Variants in MBP observed in about 807,000 individuals in gnomAD.
The protein encoded by MBP is myelin basic protein, also known as Golli-MBP.
Under a neutral mutation model 35.8 loss-of-function variants are expected in MBP, and 16 were observed. The ratio of observed to expected loss-of-function variants is 0.45; its 90% CI spans 0.30 to 0.68. MBP has a LOEUF of 0.68. MBP is among the 30% of genes least tolerant of loss of function. The pLI is 0.08. For synonymous variants in MBP, 143 were observed against 159.6 expected (o/e 0.90, Z 0.78); for missense variants, 380 against 404.7 (o/e 0.94, Z 0.52).
At chr18:77,045,267 G>A (rs561964208) in intron 3 of MBP, among the ~76,000 whole-genome samples, 1 of 151,202 alleles carries the variant, frequency 6.6e-6, no homozygotes, top group Admixed American at 6.6e-5. Context: ...ACAACTGGGT[G>A]TTAAACCAAC....
intron 4 of MBP, among the ~76,000 whole-genome samples, chr18:76,995,278 A>G (rs1241870722): frequency 6.6e-6 from 1 of 152,262 alleles, no homozygotes; most frequent in African/African-American, 2.4e-5. Context: ...ATCGATCTAC[A>G]GGTTTAATGA....
At chr18:77,038,172 G>T (rs1028663200) in intron 3 of MBP, among the ~76,000 whole-genome samples, 7 of 152,246 alleles carry the variant, frequency 4.6e-5, no homozygotes, top group African/African-American at 1.7e-4. Context: ...GAGCCGCATA[G>T]AAATTAAGAA....
At chr18:77,047,644 C>T (rs1973312914) in intron 3 of MBP, among the ~76,000 whole-genome samples, 1 of 152,206 alleles carries the variant, frequency 6.6e-6, no homozygotes, top group African/African-American at 2.4e-5. Flanking sequence ...TGTAAATTAT[C>T]TCACTAAGCT....
intron 3 of MBP, among the ~76,000 whole-genome samples, chr18:77,042,522 G>C (rs115161568): frequency 6.6e-6 from 1 of 152,126 alleles, no homozygotes; most frequent in African/African-American, 2.4e-5. Flanking sequence ...CCATTAATAC[G>C]TATTCTGTAT....
intron 2 of MBP, among the ~76,000 whole-genome samples, chr18:77,075,449 G>A (rs1237628343): frequency 2.6e-5 from 4 of 152,192 alleles, no homozygotes; most frequent in East Asian, 3.8e-4. Context: ...ACGTCCAGAC[G>A]GCAGCGAGAA....
At chr18:76,986,994 G>C (rs1969595901) in intron 7 of MBP, 1 of 985,328 alleles carries the variant, frequency 1.0e-6, no homozygotes, top group African/African-American at 1.7e-5. Flanking sequence ...CTGGGAAACA[G>C]ACAAGCAGAC....
rs896179166 is a variant in MBP, at chr18:77,102,918, G to T, written c.51+2293C>A. 1.3e-5 allele frequency among the ~76,000 whole-genome samples: 2 copies of T among 152,138 alleles called. No individual in the cohort carries two copies. The highest frequency in any genetic ancestry group is 2.4e-5 in the African/African-American group (1 of 41,420). ...TAAATTAGTAACTTAATACATTTAT[G>T]GTTGTTATTGCTAATTATAATGCTG... is the stretch of plus-strand genomic sequence containing the variant. On this transcript the variant is annotated intron_variant, in intron 2 of 8. Transcript: ENST00000355994. The surrounding 1 kb of genome is among the most constrained non-coding windows in gnomAD (Gnocchi z 4.4).
intron 3 of MBP, among the ~76,000 whole-genome samples, chr18:77,027,295 T>C (rs184910425): frequency 6.6e-6 from 1 of 152,344 alleles, no homozygotes; most frequent in Admixed American, 6.5e-5. Context: ...TGAAAGGCTA[T>C]GGAATACACT....
intron 7 of MBP, chr18:76,987,503 C>G (rs1969623527): frequency 1.0e-6 from 1 of 985,550 alleles, no homozygotes; most frequent in Admixed American, 6.1e-5. Flanking sequence ...CCCTTCCTCC[C>G]TCTCTTCCTT....
At chr18:77,059,365 T>G (rs1037681282) in intron 3 of MBP, among the ~76,000 whole-genome samples, 1 of 152,138 alleles carries the variant, frequency 6.6e-6, no homozygotes, top group African/African-American at 2.4e-5. Flanking sequence ...TGAATTATTT[T>G]TTAGTTCATC....
At chr18:77,012,030 G>A (rs754765440) in intron 4 of MBP, among the ~76,000 whole-genome samples, 2 of 152,218 alleles carry the variant, frequency 1.3e-5, no homozygotes, top group Admixed American at 1.3e-4. Context: ...AACGATGAGA[G>A]AAATGAATGC....
intron 2 of MBP, among the ~76,000 whole-genome samples, chr18:77,088,543 C>T (rs1277767953): frequency 6.6e-6 from 1 of 152,194 alleles, no homozygotes; most frequent in African/African-American, 2.4e-5. Flanking sequence ...TGGTATGATG[C>T]ATGCGTATGA....
chr18:77,093,787 C>T (rs895527920), intron 2 of MBP, among the ~76,000 whole-genome samples: 4 of 152,288 alleles, frequency 2.6e-5, no homozygotes, highest in Middle Eastern at 3.4e-3. Flanking sequence ...CTGGACACCC[C>T]GCCCAGCAGC....
intron 3 of MBP, among the ~76,000 whole-genome samples, chr18:77,023,263 G>T (rs1599088003): frequency 1.3e-5 from 2 of 152,250 alleles, no homozygotes; most frequent in South Asian, 4.2e-4. Context: ...AGAAACTCAG[G>T]CGTCATGACC....
intron 4 of MBP, among the ~76,000 whole-genome samples, chr18:77,009,515 G>A (rs1971202548): frequency 6.6e-6 from 1 of 152,240 alleles, no homozygotes; most frequent in Non-Finnish European, 1.5e-5. Context: ...CCACTCCCGG[G>A]CCCCTCCACG....
intron 4 of MBP, among the ~76,000 whole-genome samples, chr18:76,998,291 C>T (rs1970428713): frequency 6.6e-6 from 1 of 151,916 alleles, no homozygotes; most frequent in Middle Eastern, 3.4e-3. Flanking sequence ...GTGCACTTAC[C>T]GCAGTGCCCT....
rs373339125 is a variant in MBP at position 76,988,526 on chromosome 18, C to T, written c.719G>A (p.Gly240Glu). Residue 240 changes from glycine to glutamate, a missense_variant and splice_region_variant, in exon 7 of 9, where the codon GGG becomes GAG. By Grantham distance (98) the Gly-to-Glu change is moderately conservative. Transcript: ENST00000355994. This position sits in a 1 kb window ranked among gnomAD's most constrained non-coding sequence, Gnocchi z 5.2. ...AAATCTGCTCAGGGACAGTCCTCTC[C>T]CCTGCATGAGGAAGACAGAGAAATA... is the stretch of plus-strand genomic sequence containing the variant. Reference protein sequence around the residue: ...PRTPPPSQGKGRGLSLSRFSW... With the variant: ...PRTPPPSQGKERGLSLSRFSW... 3 of 1,611,880 alleles carry T rather than the reference C, an allele frequency of 1.9e-6. No homozygotes were observed. The highest frequency in any genetic ancestry group is 2.5e-6 in the Non-Finnish European group (3 of 1,178,382).
At position 76,980,471 on chromosome 18, in the gene MBP, C is replaced by G. The variant is rs376676611; in HGVS notation, c.871G>C (p.Gly291Arg). Residue 291 changes from glycine (G) to arginine (R), a missense_variant and splice_region_variant, in exon 9 of 9, where the codon GGA becomes CGA. By Grantham distance (125) the Gly-to-Arg change is moderately radical (BLOSUM62 -2). Coordinates refer to ENST00000355994, the MANE Select transcript of MBP (RefSeq NM_001025101.2). ...QGTLSKIFKL[G>R]GRDSRSGSPM... ...GATCCAGAGCGACTATCTCTTCCTCCCTGAAAAGGAAGAGAGAGGAGTTAG... is the reference window on the plus strand; with the variant it reads ...GATCCAGAGCGACTATCTCTTCCTCGCTGAAAAGGAAGAGAGAGGAGTTAG... 60 of 1,612,980 alleles carry G rather than the reference C, an allele frequency of 3.7e-5. No homozygotes were observed. Among genetic ancestry groups the G allele is most frequent in the Non-Finnish European group, 4.9e-5 (58 of 1,179,208 alleles).
upstream of MBP, among the ~76,000 whole-genome samples, chr18:77,133,284 C>T (rs1030994239): frequency 2.6e-5 from 4 of 152,232 alleles, no homozygotes; most frequent in Admixed American, 6.5e-5. Context: ...CCCCTGGAGC[C>T]CAGGCCAGGC....
Sources: gnomAD v4.1 joint callset for allele counts (sites outside exome capture counted in the v4.1 genomes callset) on GRCh38, gnomAD v4.1.1 for gene constraint, Gnocchi (gnomAD v3.1) non-coding constraint, MANE v1.5 for transcripts, NCBI Gene and HGNC (gene_info 2026-07-23, HGNC 2026-07-21) for gene names.